The following KCNT2 variants were observed in gnomAD, a reference collection of about 807,000 sequenced individuals.
KCNT2 encodes the protein potassium channel subfamily T member 2.
In KCNT2, 67 loss-of-function variants were observed where a neutral mutation model predicts 153.8. The observed-to-expected ratio is 0.44, with a 90% CI of 0.36 to 0.53. The LOEUF is 0.53. KCNT2 is among the 20% of genes least tolerant of loss of function. The probability of loss-of-function intolerance (pLI) is 0.00; values close to 1 mark genes in which losing one functional copy is unlikely to be tolerated. For missense variants in KCNT2, 975 were observed against 1,354.8 expected, an observed-to-expected ratio of 0.72 and a Z score of 4.40; for synonymous variants, 500 against 458.8, an observed-to-expected ratio of 1.09 and a Z score of -1.15.
chr1:196,532,754 C>A (rs1289917460), intron 1 of KCNT2, among the ~76,000 whole-genome samples: 1 of 151,838 alleles, frequency 6.6e-6, no homozygotes, highest in African/African-American at 2.4e-5. Context: ...TGAAAGGATG[C>A]CTAATTGATA....
At chr1:196,524,946 T>G (rs1170713432) in intron 1 of KCNT2, among the ~76,000 whole-genome samples, 1 of 152,176 alleles carries the variant, frequency 6.6e-6, no homozygotes, top group East Asian at 1.9e-4. Context: ...ATCTTCAATT[T>G]CTCATCTATT....
intron 8 of KCNT2, among the ~76,000 whole-genome samples, chr1:196,449,152 G>T (rs1268306751): frequency 1.3e-5 from 2 of 151,584 alleles, no homozygotes; most frequent in Non-Finnish European, 3.0e-5. Flanking sequence ...AAAGAAGACC[G>T]AGTACTCTCA....
At chr1:196,311,928 T>C (rs2148005191) in intron 21 of KCNT2, among the ~76,000 whole-genome samples, 1 of 152,034 alleles carries the variant, frequency 6.6e-6, no homozygotes, top group African/African-American at 2.4e-5. Flanking sequence ...AAAGCACATT[T>C]TGTTTTGTGG....
chr1:196,496,398 G>A (rs1239005004), intron 1 of KCNT2, among the ~76,000 whole-genome samples: 1 of 151,284 alleles, frequency 6.6e-6, no homozygotes, highest in African/African-American at 2.4e-5. Context: ...AACCTGAGAG[G>A]CAGAGGTTGC....
In KCNT2 at chr1:196,530,991, A is replaced by G. The variant is rs545128394; in HGVS notation, c.96-38650T>C. ...TTTGTTAGTTTCCGATAAAACTTAG[A>G]AGGATGAATCAGAAGCCAAAGATTT... On this transcript the variant is annotated intron_variant, in intron 1 of 27. Transcript: ENST00000294725. 7.2e-5 allele frequency among the ~76,000 whole-genome samples: 11 copies of G among 152,218 alleles called. No homozygotes were observed. In the South Asian group the frequency reaches 1.4e-3, roughly 20 times the overall value.
intron 1 of KCNT2, among the ~76,000 whole-genome samples, chr1:196,500,253 A>AAAGGAAGGAAGG (rs1223108904): frequency 7.4e-5 from 7 of 95,226 alleles, no homozygotes; most frequent in African/African-American, 1.8e-4. Flanking sequence ...AAAGAAAGAA[A>AAAGGAAGGAAGG]AAGGAAGGAA....
chr1:196,248,588 T>C (rs1023609012), intron 26 of KCNT2, among the ~76,000 whole-genome samples: 3 of 152,012 alleles, frequency 2.0e-5, no homozygotes, highest in Non-Finnish European at 4.4e-5. Context: ...CCTACCAAGA[T>C]TGAAACATGA....
At chr1:196,373,336 A>C (rs1668690043) in intron 13 of KCNT2, 88 bp from the exon 14 acceptor site, 1 of 682,188 alleles carries the variant, frequency 1.5e-6, no homozygotes. Context: ...ATAAAATGGT[A>C]AAAGTCTCAA....
chr1:196,504,262 G>A (rs1326663174), intron 1 of KCNT2, among the ~76,000 whole-genome samples: 2 of 124,474 alleles, frequency 1.6e-5, no homozygotes, highest in Admixed American at 1.0e-4. Context: ...AGTCCCCAGA[G>A]TGTGATGTTC....
At chr1:196,447,480 G>C (rs1055748886) in intron 8 of KCNT2, among the ~76,000 whole-genome samples, 3 of 151,638 alleles carry the variant, frequency 2.0e-5, no homozygotes, top group African/African-American at 7.2e-5. Context: ...TATTGAAGGA[G>C]AGAAAGTACG....
intron 19 of KCNT2, among the ~76,000 whole-genome samples, chr1:196,322,552 G>A (rs924397410): frequency 5.9e-5 from 9 of 151,666 alleles, no homozygotes; most frequent in East Asian, 1.9e-4. Context: ...AAAAGATGAC[G>A]ACTTATGAGC....
rs777252935 is a variant in KCNT2 at position 196,373,124 on chromosome 1, G to GA, written c.1403+15dup. On this transcript the variant is annotated intron_variant, in intron 14 of 27. Coordinates refer to ENST00000294725, the MANE Select transcript of KCNT2 (RefSeq NM_198503.5). ...ATATAATTTAAAAGGTTAACTTAAA[G>GA]AAAAAATATACTTACTGCCCTCTAG... The GA allele has an allele frequency of 4.1e-6, 5 of 1,218,744 alleles. No homozygotes were observed. The highest frequency in any genetic ancestry group is 2.3e-5 in the East Asian group (1 of 42,728). 75.5% of individuals were successfully genotyped at this position (1,218,744 alleles called of 1,614,324 possible).
At chr1:196,430,061 A>G (rs1418357875) in intron 8 of KCNT2, among the ~76,000 whole-genome samples, 3 of 152,172 alleles carry the variant, frequency 2.0e-5, no homozygotes, top group African/African-American at 7.2e-5. Flanking sequence ...ATGAACATCA[A>G]CACAAGAAAT....
intron 26 of KCNT2, among the ~76,000 whole-genome samples, chr1:196,250,820 T>C (rs764700467): frequency 5.3e-5 from 8 of 151,712 alleles, no homozygotes; most frequent in Non-Finnish European, 1.0e-4. Context: ...AAGAGATGAA[T>C]AAACATTGGT....
At chr1:196,260,008 C>A (rs1343508021) in intron 25 of KCNT2, among the ~76,000 whole-genome samples, 1 of 151,774 alleles carries the variant, frequency 6.6e-6, no homozygotes, top group African/African-American at 2.4e-5. Context: ...ATACGTACCA[C>A]CAACAATAAT....
At chr1:196,242,613 T>C (rs1223452014) in intron 26 of KCNT2, among the ~76,000 whole-genome samples, 1 of 152,190 alleles carries the variant, frequency 6.6e-6, no homozygotes, top group African/African-American at 2.4e-5. Context: ...TTACATGATA[T>C]TCATTATTTT....
chr1:196,450,208 C>T lies in KCNT2; in HGVS notation c.638+15085G>A, dbSNP rs145263064. On this transcript the variant is annotated intron_variant, in intron 8 of 27. Coordinates refer to ENST00000294725, the MANE Select transcript of KCNT2 (RefSeq NM_198503.5). ...GACCCTATCTACTAACACATTGTGT[C>T]TTTCATCCCTATATAATGCCTCCCA... 5.3e-4 allele frequency among the ~76,000 whole-genome samples: 81 copies of T among 151,898 alleles called. 1 individual carries two copies. The highest frequency in any genetic ancestry group is 1.9e-3 in the African/African-American group (78 of 41,492).
chr1:196,320,742 A>G (rs1169979701), intron 19 of KCNT2, among the ~76,000 whole-genome samples: 1 of 151,600 alleles, frequency 6.6e-6, no homozygotes, highest in Non-Finnish European at 1.5e-5. Context: ...AAAGAATACC[A>G]TTATTTTAAT....
intron 12 of KCNT2, among the ~76,000 whole-genome samples, chr1:196,407,135 G>C (rs553639394): frequency 6.6e-6 from 1 of 151,416 alleles, no homozygotes; most frequent in South Asian, 2.1e-4. Context: ...AGGTTTTGAA[G>C]GAAACTTCCC....
Sources: gnomAD v4.1 joint callset for allele counts (sites outside exome capture counted in the v4.1 genomes callset) on GRCh38, gnomAD v4.1.1 for gene constraint, MANE v1.5 for transcripts, NCBI Gene and HGNC (gene_info 2026-07-23, HGNC 2026-07-21) for gene names.